Variants in ARHGAP21 observed in about 807,000 individuals in gnomAD.
The protein encoded by ARHGAP21 is Rho GTPase activating protein 21.
A neutral mutation model predicts 164.6 loss-of-function variants in ARHGAP21; 38 were observed. The observed-to-expected ratio is 0.23, with a 90% confidence interval of 0.18 to 0.30. The LOEUF is 0.30. Ranked by LOEUF, ARHGAP21 falls within the 10% of genes least tolerant of loss-of-function variation. ARHGAP21 has a pLI of 1.00. For synonymous variants in ARHGAP21, 766 were observed against 857.9 expected (o/e 0.89, Z 1.87); for missense variants, 1,822 against 2,370.7 (o/e 0.77, Z 4.81).
intron 9 of ARHGAP21, among the ~76,000 whole-genome samples, chr10:24,608,944 A>G (rs1482336634): frequency 2.6e-5 from 4 of 152,206 alleles, no homozygotes. Context: ...AATGAGGATA[A>G]CAATTTAATT....
intron 2 of ARHGAP21, among the ~76,000 whole-genome samples, chr10:24,710,532 C>T (rs1335840): frequency 0.49 from 74,597 of 151,922 alleles, 18,575 homozygotes; most frequent in Middle Eastern, 0.55. Flanking sequence ...CAATTGTCTG[C>T]GCTTCCCATT....
chr10:24,643,765 G>A (rs1333810911), intron 4 of ARHGAP21, among the ~76,000 whole-genome samples: 2 of 152,186 alleles, frequency 1.3e-5, no homozygotes, highest in Non-Finnish European at 2.9e-5. Context: ...GACAAGCATT[G>A]ATTTACAATT....
At chr10:24,647,882 G>A (rs937033702) in intron 4 of ARHGAP21, among the ~76,000 whole-genome samples, 1 of 152,192 alleles carries the variant, frequency 6.6e-6, no homozygotes, top group Non-Finnish European at 1.5e-5. Flanking sequence ...CTGTTCCCCA[G>A]GCTGGAGTGC....
At chr10:24,648,355 G>T (rs1287982604) in intron 4 of ARHGAP21, among the ~76,000 whole-genome samples, 2 of 152,190 alleles carry the variant, frequency 1.3e-5, no homozygotes, top group Admixed American at 6.5e-5. Context: ...TTCGAAAATT[G>T]TGAAACACCA....
At chr10:24,631,206 A>T (rs1835821238) in intron 6 of ARHGAP21, among the ~76,000 whole-genome samples, 1 of 152,156 alleles carries the variant, frequency 6.6e-6, no homozygotes, top group Non-Finnish European at 1.5e-5. Context: ...TCCACTAAAA[A>T]TACAAAAATT....
At chr10:24,679,773 A>G (rs976998126) in intron 2 of ARHGAP21, among the ~76,000 whole-genome samples, 1 of 152,248 alleles carries the variant, frequency 6.6e-6, no homozygotes, top group African/African-American at 2.4e-5. Flanking sequence ...TTAGAGCACA[A>G]AAGAGTCTTT....
At chr10:24,721,248 T>C (rs1170954134) in intron 2 of ARHGAP21, among the ~76,000 whole-genome samples, 1 of 152,178 alleles carries the variant, frequency 6.6e-6, no homozygotes, top group East Asian at 1.9e-4. Context: ...GCAGGAGATT[T>C]TTCCGGGAGT....
At position 24,596,134 on chromosome 10, in the gene ARHGAP21, G is replaced by A. The variant is rs547457826; in HGVS notation, c.3478-91C>T. The stretch of plus-strand genomic sequence containing the variant: ...CTAAAATGCCCCTTTCATCCAAAAG[G>A]AAACATAAATTGCTGTTATGTAATA... On this transcript the variant is annotated intron_variant, in intron 17 of 25. Coordinates refer to ENST00000396432, the MANE Select transcript of ARHGAP21 (RefSeq NM_020824.4). The A allele has an allele frequency of 2.7e-3, 3,061 of 1,142,910 alleles. 3 individuals are homozygous for A. The highest frequency in any genetic ancestry group is 3.3e-3 in the Non-Finnish European group (2,764 of 831,146). The allele number at this position is 1,142,910 out of a possible 1,614,324, so 70.8% of individuals were successfully genotyped here. A position where few individuals can be genotyped will look rare whatever the true frequency, so the allele number is the denominator to read the frequency against.
rs1834959133 is a variant in ARHGAP21 at position 24,625,048 on chromosome 10, AG to A, written c.496-2287del. 6.7e-4 allele frequency among the ~76,000 whole-genome samples: 3 copies of A among 4,508 alleles called. No individual in the cohort carries two copies. The East Asian group carries it at 0.075, about 113-fold the overall frequency. The allele number at this position is 4,508 out of a possible 152,430, so 3.0% of individuals were successfully genotyped here. On this transcript the variant is annotated intron_variant, in intron 7 of 25. Transcript: ENST00000396432. ...CTATTAGATACAAAAAGCTCTAAAA[AG>A]TGGGGGGGGGGGGGGAGGAGGAGGA...
At chr10:24,629,780 T>C in intron 7 of ARHGAP21, 1 of 609,678 alleles carries the variant, frequency 1.6e-6, no homozygotes. Flanking sequence ...GAGTTCACTG[T>C]AGAATCAACA....
At chr10:24,600,335 C>CTT (rs2076763796) in intron 14 of ARHGAP21, among the ~76,000 whole-genome samples, 1 of 152,032 alleles carries the variant, frequency 6.6e-6, no homozygotes. Context: ...ACAATCCTGT[C>CTT]TTTGAAAGAT....
At chr10:24,607,716 C>A (rs751451148) in intron 10 of ARHGAP21, 29 bp downstream of exon 10, 4 of 1,611,296 alleles carry the variant, frequency 2.5e-6, no homozygotes, top group East Asian at 4.5e-5. Flanking sequence ...GCATGAGATA[C>A]GGTTTACAAA....
In ARHGAP21 at chr10:24,620,213, G is replaced by A. The variant is rs1834404121; in HGVS notation, c.1682C>T (p.Ala561Val). The A allele has an allele frequency of 3.1e-6, 5 of 1,613,804 alleles. No individual in the cohort carries two copies. The highest frequency in any genetic ancestry group is 3.4e-6 in the Non-Finnish European group (4 of 1,179,878). The stretch of plus-strand genomic sequence containing the variant: ...GTTATCAGAATTAACAACGCTTGGA[G>A]CCACAGTAAAATTGGAACCTCGAAA... The part of the protein sequence containing the change: ...KSFRGSNFTV[A>V]PSVVNSDNRR... The change falls in exon 9 of 26, where the codon GCT becomes GTT. Residue 561 changes from alanine to valine, a missense_variant. By Grantham distance (64) the Ala-to-Val change is moderately conservative. Coordinates refer to ENST00000396432, the MANE Select transcript of ARHGAP21 (RefSeq NM_020824.4).
intron 4 of ARHGAP21, among the ~76,000 whole-genome samples, chr10:24,636,649 CTT>C (rs1190681633): frequency 6.6e-6 from 1 of 152,126 alleles, no homozygotes; most frequent in Non-Finnish European, 1.5e-5. Flanking sequence ...AAGGAAGTTA[CTT>C]AATAAAGGAA....
intron 4 of ARHGAP21, among the ~76,000 whole-genome samples, chr10:24,666,146 C>T (rs534645095): frequency 5.9e-5 from 9 of 152,334 alleles, no homozygotes; most frequent in African/African-American, 1.9e-4. Flanking sequence ...TCTCCTGCCT[C>T]AGCCTCCTGA....
At chr10:24,590,221 C>G in intron 24 of ARHGAP21, 1 of 1,458,860 alleles carries the variant, frequency 6.9e-7, no homozygotes, top group Non-Finnish European at 9.0e-7. Flanking sequence ...TATTTCTCCT[C>G]AGGGTCTGCT....
chr10:24,595,627 C>T (rs2076548710), intron 19 of ARHGAP21, 90 bp downstream of exon 19: 29 of 1,323,136 alleles, frequency 2.2e-5, no homozygotes, highest in African/African-American at 3.0e-5. Flanking sequence ...TTGACCAAGA[C>T]ATTTTGTCCT....
intron 4 of ARHGAP21, among the ~76,000 whole-genome samples, chr10:24,637,115 G>C (rs890427919): frequency 6.6e-6 from 1 of 152,200 alleles, no homozygotes; most frequent in Admixed American, 6.5e-5. Flanking sequence ...CTTGCTAAGA[G>C]GCAGCATAGG....
chr10:24,597,408 A>C (rs372462498), intron 16 of ARHGAP21, 39 bp downstream of exon 16: 2 of 1,596,128 alleles, frequency 1.3e-6, no homozygotes, highest in African/African-American at 2.7e-5. Context: ...GCCAATTTTA[A>C]ATCATTATAT....
Sources: gnomAD v4.1 joint callset for allele counts (sites outside exome capture counted in the v4.1 genomes callset) on GRCh38, gnomAD v4.1.1 for gene constraint, MANE v1.5 for transcripts, NCBI Gene and HGNC (gene_info 2026-07-23, HGNC 2026-07-21) for gene names.